Variants in RALGAPA2 observed in about 807,000 individuals in gnomAD.
RALGAPA2 encodes the protein Ral GTPase activating protein catalytic subunit alpha 2, also known as ral GTPase-activating protein subunit alpha-2.
RALGAPA2 carries 139 observed loss-of-function variants against 230.4 expected under a neutral mutation model. The observed-to-expected ratio is 0.60, with a 90% CI of 0.53 to 0.69. RALGAPA2 has a LOEUF of 0.69. Among genes scored for constraint, RALGAPA2 ranks in the 30% least tolerant of loss-of-function variants. The pLI is 0.00. For synonymous variants in RALGAPA2, 847 were observed against 837.8 expected (o/e 1.01, Z -0.19); for missense variants, 2,163 against 2,276.0 (o/e 0.95, Z 1.01).
At chr20:20,492,727 A>AT in intron 36 of RALGAPA2, among the ~76,000 whole-genome samples, 1 of 152,170 alleles carries the variant, frequency 6.6e-6, no homozygotes, top group African/African-American at 2.4e-5. Flanking sequence ...CATTGTCCGT[A>AT]ATATCCTCAT....
intron 2 of RALGAPA2, among the ~76,000 whole-genome samples, chr20:20,677,117 G>A (rs934540749): frequency 6.6e-6 from 1 of 152,156 alleles, no homozygotes; most frequent in African/African-American, 2.4e-5. Context: ...TCTAGGCCCT[G>A]AGGATACAGG....
rs572838076 is a variant in RALGAPA2 at position 20,456,877 on chromosome 20, C to T, written c.5495+15952G>A. ...GTGACAGTGTCTGCAGGCTATTCAC[C>T]GGCACAATCATATTGCACTACAGCC... On this transcript the variant is annotated intron_variant, in intron 37 of 39. Transcript: ENST00000202677. Among the ~76,000 whole-genome samples, 18 of 152,048 alleles carry T rather than the reference C, an allele frequency of 1.2e-4. No individual in the cohort carries two copies. The South Asian group carries it at 2.3e-3, about 19-fold the overall frequency.
chr20:20,397,964 A>T (rs2059753124), intron 38 of RALGAPA2, among the ~76,000 whole-genome samples: 1 of 152,200 alleles, frequency 6.6e-6, no homozygotes, highest in African/African-American at 2.4e-5. Flanking sequence ...CTCTTTGGGC[A>T]CAAGAGGTTC....
chr20:20,705,815 C>T (rs1209462728), intron 1 of RALGAPA2, among the ~76,000 whole-genome samples: 2 of 152,074 alleles, frequency 1.3e-5, no homozygotes, highest in Non-Finnish European at 2.9e-5. Context: ...ATTACAGGCA[C>T]GCGCAACCAC....
intron 3 of RALGAPA2, among the ~76,000 whole-genome samples, chr20:20,675,622 A>G (rs1248746034): frequency 6.6e-6 from 1 of 152,188 alleles, no homozygotes; most frequent in East Asian, 1.9e-4. Flanking sequence ...ACATTTGGAC[A>G]AGAAAGACTT....
intron 1 of RALGAPA2, among the ~76,000 whole-genome samples, chr20:20,702,759 G>T (rs562719075): frequency 6.6e-6 from 1 of 152,244 alleles, no homozygotes; most frequent in African/African-American, 2.4e-5. Context: ...GTACTTTCAG[G>T]CATGGTTAAG....
intron 7 of RALGAPA2, among the ~76,000 whole-genome samples, chr20:20,638,446 C>A (rs1264398164): frequency 6.6e-6 from 1 of 152,184 alleles, no homozygotes; most frequent in South Asian, 2.1e-4. Flanking sequence ...GAGAACTCAT[C>A]TCAATCGACA....
intron 37 of RALGAPA2, 88 bp from the exon 38 acceptor site, chr20:20,412,236 T>A: frequency 6.5e-7 from 1 of 1,535,422 alleles, no homozygotes. Flanking sequence ...GTTGTGCAAT[T>A]TTTTCTGTGT....
intron 37 of RALGAPA2, among the ~76,000 whole-genome samples, chr20:20,461,980 C>A (rs942159636): frequency 6.6e-6 from 1 of 152,096 alleles, no homozygotes; most frequent in Non-Finnish European, 1.5e-5. Flanking sequence ...GATTAAGGAC[C>A]AAAGCTTTGT....
rs149036069 is a variant in RALGAPA2 at position 20,585,718 on chromosome 20, C to T, written c.2440-763G>A. Among the ~76,000 whole-genome samples, 1,097 of 152,142 alleles carry T rather than the reference C, an allele frequency of 7.2e-3. 10 individuals are homozygous for T. Among genetic ancestry groups the T allele is most frequent in the African/African-American group, 0.025 (1,053 of 41,512 alleles). On this transcript the variant is annotated intron_variant, in intron 18 of 39. Coordinates refer to ENST00000202677, the MANE Select transcript of RALGAPA2 (RefSeq NM_020343.4). ...AGTACTGGGTGGTAATCAGCAAGTT[C>T]TATGTACAGGAAGAGATGCTGGTTA...
At chr20:20,568,236 A>G (rs116909824) in intron 23 of RALGAPA2, among the ~76,000 whole-genome samples, 4,432 of 152,306 alleles carry the variant, frequency 0.029, 84 homozygotes, top group South Asian at 0.061. Flanking sequence ...TTGTCAAGGA[A>G]AAAATAAAGC....
rs1442120115 is a variant in RALGAPA2, at chr20:20,437,350, C to T, written c.5496-25202G>A. The stretch of plus-strand genomic sequence containing the variant: ...ACCACTTGTCACCACCACACGCCAC[C>T]ATCCAGGCCACGCCATTGTCATTTC... On this transcript the variant is annotated intron_variant, in intron 37 of 39. Transcript: ENST00000202677. The surrounding 1 kb of genome is among the most constrained non-coding windows in gnomAD (Gnocchi z 4.1). 6.6e-6 allele frequency among the ~76,000 whole-genome samples: 1 copy of T among 152,154 alleles called. No homozygotes were observed. The highest frequency in any genetic ancestry group is 1.9e-4 in the East Asian group (1 of 5,178).
chr20:20,488,345 G>GCCC (rs1353054633), intron 36 of RALGAPA2, among the ~76,000 whole-genome samples: 1 of 152,194 alleles, frequency 6.6e-6, no homozygotes, highest in East Asian at 1.9e-4. Context: ...TTGTCAGCCA[G>GCCC]CCCCACTTGA....
intron 24 of RALGAPA2, among the ~76,000 whole-genome samples, chr20:20,541,715 A>G (rs184805595): frequency 1.3e-5 from 2 of 152,312 alleles, no homozygotes; most frequent in Admixed American, 1.3e-4. Context: ...GTGGTAACTG[A>G]TATCAGAAAG....
At chr20:20,404,581 G>A (rs556682778) in intron 38 of RALGAPA2, among the ~76,000 whole-genome samples, 10 of 152,288 alleles carry the variant, frequency 6.6e-5, no homozygotes, top group Admixed American at 4.6e-4. Flanking sequence ...ATGTGAACCC[G>A]GGGTGTCGGG....
At chr20:20,450,766 G>A (rs1333304128) in intron 37 of RALGAPA2, among the ~76,000 whole-genome samples, 2 of 152,228 alleles carry the variant, frequency 1.3e-5, no homozygotes, top group Admixed American at 6.5e-5. Flanking sequence ...TTTGCACATC[G>A]TGCACTGATG....
chr20:20,545,160 T>C (rs1337321538), intron 24 of RALGAPA2, among the ~76,000 whole-genome samples: 3 of 152,236 alleles, frequency 2.0e-5, no homozygotes, highest in Non-Finnish European at 4.4e-5. Flanking sequence ...TAATGAAGTA[T>C]GAAAAGTTGT....
intron 14 of RALGAPA2, among the ~76,000 whole-genome samples, chr20:20,607,156 C>CA (rs1421713111): frequency 2.0e-5 from 3 of 152,032 alleles, no homozygotes; most frequent in Admixed American, 2.0e-4. Context: ...TTTTTTTCCC[C>CA]AAATTATATA....
intron 37 of RALGAPA2, among the ~76,000 whole-genome samples, chr20:20,449,984 G>A (rs1250730144): frequency 6.6e-6 from 1 of 152,200 alleles, no homozygotes; most frequent in African/African-American, 2.4e-5. Context: ...TGGATTCTCT[G>A]TATGCCTTCA....
Sources: allele counts gnomAD v4.1 joint callset (sites outside exome capture counted in the v4.1 genomes callset), GRCh38; gene constraint gnomAD v4.1.1; non-coding constraint Gnocchi (gnomAD v3.1); transcripts MANE v1.5; gene names NCBI Gene and HGNC (gene_info 2026-07-23, HGNC 2026-07-21).